The following ASPH variants were observed in gnomAD, a reference collection of about 807,000 sequenced individuals.
The protein encoded by ASPH is aspartate beta-hydroxylase.
ASPH carries 100 observed loss-of-function variants against 118.4 expected under a neutral mutation model. That is an observed-to-expected ratio of 0.84 (90% CI 0.72 to 1.00). The LOEUF is 1.00. Ranked by LOEUF, ASPH falls within the 50% of genes least tolerant of loss-of-function variation. The pLI is 0.00. For missense variants in ASPH, 920 were observed against 919.5 expected, an observed-to-expected ratio of 1.00 and a Z score of -0.01; for synonymous variants, 315 against 325.6, an observed-to-expected ratio of 0.97 and a Z score of 0.35.
intron 18 of ASPH, 142 bp downstream of exon 18, chr8:61,562,602 T>C (rs969676477): frequency 1.2e-6 from 1 of 830,184 alleles, no homozygotes; most frequent in Non-Finnish European, 1.7e-6. Flanking sequence ...TGTTAAAACA[T>C]AGTTTAGAAT....
intron 1 of ASPH, among the ~76,000 whole-genome samples, chr8:61,707,573 C>T (rs559745388): frequency 7.4e-4 from 113 of 152,194 alleles, no homozygotes; most frequent in Non-Finnish European, 9.9e-4. Flanking sequence ...TTCTATGACC[C>T]ACAATTCCAA....
chr8:61,601,539 CA>C, intron 14 of ASPH, among the ~76,000 whole-genome samples: 1 of 125,968 alleles, frequency 7.9e-6, no homozygotes. Context: ...GACTCCATCT[CA>C]AAAAAAGAGA....
intron 1 of ASPH, among the ~76,000 whole-genome samples, chr8:61,713,980 G>A (rs1838720051): frequency 1.3e-5 from 2 of 152,212 alleles, no homozygotes; most frequent in African/African-American, 2.4e-5. Context: ...AGAAACAGTC[G>A]TTCAGCAACC....
chr8:61,643,644 G>A (rs12114414), intron 8 of ASPH, among the ~76,000 whole-genome samples: 1 of 152,060 alleles, frequency 6.6e-6, no homozygotes, highest in Non-Finnish European at 1.5e-5. Context: ...TTTGTACCCA[G>A]AATGACTTTA....
At chr8:61,622,374 T>C (rs551775960) in intron 13 of ASPH, among the ~76,000 whole-genome samples, 40 of 152,278 alleles carry the variant, frequency 2.6e-4, no homozygotes, top group Non-Finnish European at 4.9e-4. Flanking sequence ...ACAGATATAC[T>C]GTACTCGTGT....
intron 14 of ASPH, among the ~76,000 whole-genome samples, chr8:61,588,627 C>T (rs1188965018): frequency 6.6e-6 from 1 of 152,182 alleles, no homozygotes; most frequent in Non-Finnish European, 1.5e-5. Flanking sequence ...CATGTTCTAC[C>T]TTGTTCTCAG....
intron 24 of ASPH, among the ~76,000 whole-genome samples, chr8:61,508,883 C>T (rs1226717112): frequency 6.6e-6 from 1 of 152,188 alleles, no homozygotes; most frequent in Non-Finnish European, 1.5e-5. Flanking sequence ...CTTACTGTGT[C>T]AATAAGAATA....
chr8:61,677,788 T>A (rs891487139), intron 3 of ASPH, among the ~76,000 whole-genome samples: 1 of 152,194 alleles, frequency 6.6e-6, no homozygotes, highest in African/African-American at 2.4e-5. Flanking sequence ...ATATTTAGTA[T>A]AAACATCTTT....
chr8:61,622,087 C>A (rs1432530537), intron 13 of ASPH, among the ~76,000 whole-genome samples: 2 of 152,192 alleles, frequency 1.3e-5, no homozygotes, highest in Non-Finnish European at 2.9e-5. Flanking sequence ...TGCCTGTAAT[C>A]CCAGCAGTTT....
intron 21 of ASPH, among the ~76,000 whole-genome samples, chr8:61,539,699 G>GGGGGGTGTGTGTGTGTGTGTGTGT (rs1554618405): frequency 8.9e-5 from 11 of 124,214 alleles, no homozygotes; most frequent in African/African-American, 2.8e-4. Flanking sequence ...ACACTTCTGG[G>GGGGGGTGTGTGTGTGTGTGTGTGT]GTGTGTGTGT....
intron 13 of ASPH, chr8:61,628,318 C>A (rs961846616): frequency 1.7e-5 from 6 of 348,192 alleles, no homozygotes; most frequent in Non-Finnish European, 2.6e-5. Context: ...TGACACCAAG[C>A]CCGGCTTTTT....
At position 61,502,766 on chromosome 8, in the gene ASPH, T is replaced by G. The variant is rs1805160406; in HGVS notation, c.*593A>C. 1 of 152,212 alleles carries G rather than the reference T, an allele frequency of 6.6e-6. No homozygotes were observed. Among genetic ancestry groups the G allele is most frequent in the Non-Finnish European group, 1.5e-5 (1 of 68,028 alleles). 9.4% of individuals were successfully genotyped at this position (152,212 alleles called of 1,614,324 possible). ...TGGGTACAGTTCATAGACACTGACA[T>G]AATGAGCTCTTTCTTTTTTGTTAGG... On this transcript the variant is annotated 3_prime_UTR_variant, in exon 25 of 25. Coordinates refer to ENST00000379454, the MANE Select transcript of ASPH (RefSeq NM_004318.4).
Position 61,505,289 on chromosome 8 carries a change from T to A in ASPH, c.2127-1780A>T, listed in dbSNP as rs139299379. ...GGACAGTGGATCACAAGGTCAGGGG[T>A]TCGAGGCCAGCCTGGCCAACATGGT... On this transcript the variant is annotated intron_variant, in intron 24 of 24. Transcript: ENST00000379454. Among the ~76,000 whole-genome samples, 1,130 of 151,958 alleles carry A rather than the reference T, an allele frequency of 7.4e-3. 18 individuals carry two copies. The highest frequency in any genetic ancestry group is 0.026 in the African/African-American group (1,074 of 41,438).
chr8:61,511,201 G>C (rs1340393584), intron 24 of ASPH, among the ~76,000 whole-genome samples: 1 of 152,156 alleles, frequency 6.6e-6, no homozygotes, highest in Non-Finnish European at 1.5e-5. Flanking sequence ...TAAAATACTT[G>C]AGGTCTATGG....
chr8:61,624,399 C>G, intron 13 of ASPH: 1 of 985,306 alleles, frequency 1.0e-6, no homozygotes, highest in Non-Finnish European at 1.2e-6. Flanking sequence ...AATACGTTAA[C>G]TGGCTGAAGG....
At chr8:61,619,340 C>T (rs1850095433) in intron 13 of ASPH, among the ~76,000 whole-genome samples, 1 of 152,118 alleles carries the variant, frequency 6.6e-6, no homozygotes, top group African/African-American at 2.4e-5. Flanking sequence ...GGTACAAAGA[C>T]ATGTGGATGG....
rs1209544826 is a variant in ASPH at position 61,684,042 on chromosome 8, G to C, written c.250C>G (p.Leu84Val). The part of the protein sequence containing the change: ...WFDLVDYEEV[L>V]GKLGIYDADG... ...ATAAGGATATCAAAATTCTTACCTAGAACTTCCTCATAGTCAACAAGATCA... is the reference window on the plus strand; with the variant it reads ...ATAAGGATATCAAAATTCTTACCTACAACTTCCTCATAGTCAACAAGATCA... The change falls in exon 2 of 25, where the codon CTA (leucine) becomes GTA (valine). Residue 84 changes from leucine to valine, a missense_variant. Coordinates refer to ENST00000379454, the MANE Select transcript of ASPH (RefSeq NM_004318.4). 1.9e-6 allele frequency: 3 copies of C among 1,613,210 alleles called. No homozygotes were observed. The highest frequency in any genetic ancestry group is 2.5e-6 in the Non-Finnish European group (3 of 1,179,498).
At chr8:61,663,876 G>A in intron 3 of ASPH, 2 of 952,696 alleles carry the variant, frequency 2.1e-6, no homozygotes, top group Non-Finnish European at 2.5e-6. Flanking sequence ...AGAAAAAGGT[G>A]TACAATACAT....
intron 1 of ASPH, among the ~76,000 whole-genome samples, chr8:61,702,699 TG>T (rs1363638038): frequency 6.6e-6 from 1 of 152,036 alleles, no homozygotes; most frequent in Non-Finnish European, 1.5e-5. Flanking sequence ...GGAAAGAAAA[TG>T]TCGGGTCAGT....
Sources: allele counts gnomAD v4.1 joint callset (sites outside exome capture counted in the v4.1 genomes callset), GRCh38; gene constraint gnomAD v4.1.1; transcripts MANE v1.5; gene names NCBI Gene and HGNC (gene_info 2026-07-23, HGNC 2026-07-21).